ROBO1: variants seen among roughly 807,000 people sequenced by gnomAD.
ROBO1 encodes roundabout guidance receptor 1.
Under a neutral mutation model 195.9 loss-of-function variants are expected in ROBO1, and 149 were observed. The observed-to-expected ratio is 0.76, with a 90% CI of 0.67 to 0.87. The LOEUF is 0.87. Among genes scored for constraint, ROBO1 ranks in the 40% least tolerant of loss-of-function variants. ROBO1 has a pLI of 0.00. For missense variants in ROBO1, 1,933 were observed against 2,068.3 expected (o/e 0.93, Z 1.27); for synonymous variants, 816 against 733.2 (o/e 1.11, Z -1.82).
At chr3:79,590,233 G>A (rs1375788143) in intron 1 of ROBO1, among the ~76,000 whole-genome samples, 1 of 151,694 alleles carries the variant, frequency 6.6e-6, no homozygotes, top group East Asian at 1.9e-4. Flanking sequence ...TTTAGAGGAT[G>A]CCAGATAAGT....
intron 3 of ROBO1, chr3:79,019,126 G>C: frequency 1.0e-6 from 1 of 986,750 alleles, no homozygotes; most frequent in Non-Finnish European, 1.2e-6. Flanking sequence ...GAGGGTACTG[G>C]AGACAGCAGC....
At chr3:78,993,596 G>C (rs1280280151) in intron 3 of ROBO1, among the ~76,000 whole-genome samples, 1 of 152,230 alleles carries the variant, frequency 6.6e-6, no homozygotes, top group East Asian at 1.9e-4. Flanking sequence ...TTGCATTTCC[G>C]CCATGACCTC....
At chr3:79,140,286 T>C (rs1261022499) in intron 2 of ROBO1, among the ~76,000 whole-genome samples, 2 of 152,144 alleles carry the variant, frequency 1.3e-5, no homozygotes, top group Non-Finnish European at 2.9e-5. Context: ...TTAAATTCAG[T>C]CAAAATATCA....
chr3:79,704,413 A>G (rs7356113), intron 1 of ROBO1, among the ~76,000 whole-genome samples: 138,261 of 151,964 alleles, frequency 0.91, 63,081 homozygotes, highest in African/African-American at 0.98. Context: ...ACTTTTCTAG[A>G]ATATCATATG....
At chr3:79,156,957 G>A (rs2080869670) in intron 2 of ROBO1, among the ~76,000 whole-genome samples, 1 of 151,824 alleles carries the variant, frequency 6.6e-6, no homozygotes, top group African/African-American at 2.4e-5. Flanking sequence ...CTTTCAGAGA[G>A]CACACTTCAG....
intron 26 of ROBO1, among the ~76,000 whole-genome samples, chr3:78,621,495 C>T (rs1032819744): frequency 6.6e-5 from 10 of 152,174 alleles, no homozygotes; most frequent in African/African-American, 2.4e-4. Flanking sequence ...TGGCTTTTAA[C>T]TACAACCACC....
At chr3:78,791,603 T>G (rs1419493737) in intron 4 of ROBO1, among the ~76,000 whole-genome samples, 1 of 152,192 alleles carries the variant, frequency 6.6e-6, no homozygotes. Context: ...GAGACTGAAA[T>G]TTTTATGAGC....
chr3:79,139,801 C>T (rs946245718), intron 2 of ROBO1, among the ~76,000 whole-genome samples: 8 of 152,096 alleles, frequency 5.3e-5, no homozygotes, highest in African/African-American at 1.9e-4. Flanking sequence ...TATTCAAAGG[C>T]GTTTCTTTTA....
chr3:79,200,455 T>G (rs576550251), intron 2 of ROBO1, among the ~76,000 whole-genome samples: 1 of 151,926 alleles, frequency 6.6e-6, no homozygotes, highest in Admixed American at 6.6e-5. Context: ...TCTCGGTACC[T>G]TAATTTTGCT....
At chr3:79,009,291 G>T (rs1256341868) in intron 3 of ROBO1, among the ~76,000 whole-genome samples, 1 of 151,640 alleles carries the variant, frequency 6.6e-6, no homozygotes, top group Non-Finnish European at 1.5e-5. Context: ...ACCTTAATAA[G>T]AACCAAGTCT....
At chr3:79,367,138 G>A (rs528085930) in intron 2 of ROBO1, among the ~76,000 whole-genome samples, 26 of 152,246 alleles carry the variant, frequency 1.7e-4, no homozygotes, top group African/African-American at 5.8e-4. Flanking sequence ...GTGATTAGGT[G>A]TAATTATCCT....
chr3:79,255,157 C>T (rs1484659071), intron 2 of ROBO1, among the ~76,000 whole-genome samples: 1 of 152,002 alleles, frequency 6.6e-6, no homozygotes, highest in East Asian at 1.9e-4. Flanking sequence ...GAAAAATCAA[C>T]CCTAGGCAGC....
At chr3:78,996,583 T>C (rs1057420671) in intron 3 of ROBO1, among the ~76,000 whole-genome samples, 4 of 152,114 alleles carry the variant, frequency 2.6e-5, no homozygotes, top group Non-Finnish European at 5.9e-5. Flanking sequence ...CTGGTAAATT[T>C]AGTCGACAAG....
At chr3:78,888,218 T>C (rs1034776826) in intron 4 of ROBO1, among the ~76,000 whole-genome samples, 1 of 152,234 alleles carries the variant, frequency 6.6e-6, no homozygotes, top group Non-Finnish European at 1.5e-5. Context: ...GAAAAAGTAT[T>C]TCTCTAGATA....
chr3:79,638,656 GAAGAGTAA>G (rs1235746399), intron 1 of ROBO1, among the ~76,000 whole-genome samples: 1 of 152,170 alleles, frequency 6.6e-6, no homozygotes, highest in African/African-American at 2.4e-5. Context: ...ATTTCCCAAG[GAAGAGTAA>G]AAGAAGAGAA....
At chr3:79,413,267 A>G (rs894136952) in intron 2 of ROBO1, among the ~76,000 whole-genome samples, 1 of 152,066 alleles carries the variant, frequency 6.6e-6, no homozygotes, top group Non-Finnish European at 1.5e-5. Context: ...TCTGCAGCAG[A>G]GTGAAAATAA....
intron 4 of ROBO1, among the ~76,000 whole-genome samples, chr3:78,805,632 T>C (rs1039673940): frequency 2.0e-5 from 3 of 151,992 alleles, no homozygotes; most frequent in Non-Finnish European, 4.4e-5. Flanking sequence ...ATTAAGTCTA[T>C]TGGGGAAAAA....
At chr3:79,331,310 T>C (rs2109173077) in intron 2 of ROBO1, among the ~76,000 whole-genome samples, 1 of 152,318 alleles carries the variant, frequency 6.6e-6, no homozygotes, top group East Asian at 1.9e-4. Context: ...ATTTCACCTT[T>C]TAGAAAGCCT....
chr3:79,608,044 T>A (rs1944544675), intron 1 of ROBO1, among the ~76,000 whole-genome samples: 1 of 152,046 alleles, frequency 6.6e-6, no homozygotes, highest in Non-Finnish European at 1.5e-5. Context: ...AATAACTGTA[T>A]GAGTTTTATT....
Sources: gnomAD v4.1 joint callset for allele counts (sites outside exome capture counted in the v4.1 genomes callset) on GRCh38, gnomAD v4.1.1 for gene constraint, MANE v1.5 for transcripts, NCBI Gene and HGNC (gene_info 2026-07-23, HGNC 2026-07-21) for gene names.